Variants in CADM2 observed in about 807,000 individuals in gnomAD.
CADM2 encodes immunoglobulin superfamily member 4D.
CADM2 carries 12 observed loss-of-function variants against 49.8 expected under a neutral mutation model. The ratio of observed to expected loss-of-function variants is 0.24; its 90% CI spans 0.15 to 0.39. The LOEUF is 0.39. Ranked by LOEUF, CADM2 falls within the 10% of genes least tolerant of loss-of-function variation. The probability of loss-of-function intolerance (pLI) is 1.00; values close to 1 mark genes in which losing one functional copy is unlikely to be tolerated. For synonymous variants in CADM2, 214 were observed against 175.4 expected, an observed-to-expected ratio of 1.22 and a Z score of -1.74; for missense variants, 378 against 492.3, an observed-to-expected ratio of 0.77 and a Z score of 2.20.
chr3:85,758,567 T>C (rs972234385), intron 2 of CADM2, among the ~76,000 whole-genome samples: 7 of 152,328 alleles, frequency 4.6e-5, no homozygotes, highest in African/African-American at 1.4e-4. Flanking sequence ...CACTGTATTC[T>C]ATTTCCAGTA....
At chr3:85,680,557 T>G (rs1419075416) in intron 1 of CADM2, among the ~76,000 whole-genome samples, 2 of 152,176 alleles carry the variant, frequency 1.3e-5, no homozygotes, top group Non-Finnish European at 2.9e-5. Context: ...AAGTGATTAT[T>G]GAATGACATG....
intron 1 of CADM2, among the ~76,000 whole-genome samples, chr3:85,085,529 C>T (rs1272633194): frequency 2.0e-5 from 3 of 151,778 alleles, no homozygotes; most frequent in Admixed American, 6.6e-5. Flanking sequence ...TCAGTCGATC[C>T]CTGTTAGTTT....
chr3:85,902,600 C>T (rs549477267), intron 5 of CADM2, among the ~76,000 whole-genome samples: 54 of 151,398 alleles, frequency 3.6e-4, no homozygotes, highest in Non-Finnish European at 6.9e-4. Context: ...TTACATTTAT[C>T]TTCTATGTTT....
chr3:84,966,384 A>T (rs1172864621), intron 1 of CADM2, among the ~76,000 whole-genome samples: 2 of 151,990 alleles, frequency 1.3e-5, no homozygotes, highest in Non-Finnish European at 2.9e-5. Context: ...GCTTTCAGGG[A>T]TGTATAATAG....
chr3:85,981,239 A>G (rs1029248322), intron 8 of CADM2, among the ~76,000 whole-genome samples: 2 of 151,628 alleles, frequency 1.3e-5, no homozygotes, highest in African/African-American at 4.8e-5. Flanking sequence ...ACACATTTAC[A>G]CACACGCCAT....
At chr3:85,959,616 C>T (rs900402746) in intron 7 of CADM2, among the ~76,000 whole-genome samples, 6 of 151,828 alleles carry the variant, frequency 4.0e-5, no homozygotes, top group Non-Finnish European at 8.8e-5. Flanking sequence ...AGTCATGCAC[C>T]ATATAACAAC....
chr3:85,279,300 A>G (rs1367951946), intron 1 of CADM2, among the ~76,000 whole-genome samples: 1 of 151,514 alleles, frequency 6.6e-6, no homozygotes, highest in Non-Finnish European at 1.5e-5. Context: ...GTACATTGTA[A>G]TAGTGGATCA....
intron 6 of CADM2, among the ~76,000 whole-genome samples, chr3:85,922,661 G>A (rs1408149989): frequency 6.6e-6 from 1 of 151,918 alleles, no homozygotes; most frequent in African/African-American, 2.4e-5. Context: ...TTGCTTTTTG[G>A]TTCTTCTTTC....
rs775275701 is a variant in CADM2 at position 85,961,592 on chromosome 3, T to G, written c.915T>G (p.Cys305Trp). Residue 305 changes from cysteine to tryptophan, a missense_variant, in exon 8 of 10, where the codon TGT becomes TGG. Coordinates refer to ENST00000383699, the MANE Select transcript of CADM2 (RefSeq NM_001167675.2). ...AAACGGATAATGGTACATATCGATG[T>G]GAAGCCACAAACACCATTGGCCAAA... is the stretch of plus-strand genomic sequence containing the variant. ...LNKTDNGTYRCEATNTIGQSS... is the reference protein window; with the variant it reads ...LNKTDNGTYRWEATNTIGQSS... 1 of 1,607,202 alleles carries G rather than the reference T, an allele frequency of 6.2e-7. No individual in the cohort carries two copies.
intron 1 of CADM2, among the ~76,000 whole-genome samples, chr3:85,715,672 C>T (rs1236191841): frequency 1.3e-5 from 2 of 152,104 alleles, no homozygotes; most frequent in East Asian, 3.9e-4. Context: ...CACCCGCTGA[C>T]AGACCCCAGT....
intron 1 of CADM2, among the ~76,000 whole-genome samples, chr3:85,361,511 G>A (rs993989914): frequency 6.6e-6 from 1 of 152,160 alleles, no homozygotes; most frequent in East Asian, 1.9e-4. Context: ...TGATGGGCCT[G>A]TCATTTTAAG....
chr3:85,379,814 G>T (rs1054702736), intron 1 of CADM2, among the ~76,000 whole-genome samples: 1 of 151,874 alleles, frequency 6.6e-6, no homozygotes, highest in Admixed American at 6.6e-5. Context: ...TGTATTACTC[G>T]CAACTGTTGC....
At chr3:86,006,527 C>T (rs770100946) in intron 8 of CADM2, among the ~76,000 whole-genome samples, 1 of 152,116 alleles carries the variant, frequency 6.6e-6, no homozygotes, top group Non-Finnish European at 1.5e-5. Context: ...GAAGATGAGA[C>T]TTTGAAACCT....
At chr3:85,314,725 G>C (rs1468933178) in intron 1 of CADM2, among the ~76,000 whole-genome samples, 1 of 152,102 alleles carries the variant, frequency 6.6e-6, no homozygotes, top group Admixed American at 6.6e-5. Flanking sequence ...GTCTCAAAGA[G>C]AGAAGTATAA....
chr3:85,608,684 A>C (rs2063599962), intron 1 of CADM2, among the ~76,000 whole-genome samples: 1 of 152,180 alleles, frequency 6.6e-6, no homozygotes, highest in Admixed American at 6.6e-5. Flanking sequence ...TATGCTGATC[A>C]AACTAATTAT....
chr3:85,457,087 T>C (rs932124004), intron 1 of CADM2, among the ~76,000 whole-genome samples: 9 of 152,032 alleles, frequency 5.9e-5, no homozygotes, highest in African/African-American at 1.9e-4. Context: ...CCAAACTGTT[T>C]ATCAGATTCT....
intron 8 of CADM2, among the ~76,000 whole-genome samples, chr3:86,061,989 G>GGT (rs1553731927): frequency 0.023 from 3,296 of 145,742 alleles, 59 homozygotes; most frequent in Non-Finnish European, 0.032. Context: ...TTGATGGTGG[G>GGT]GGGGGGGTTG....
intron 1 of CADM2, among the ~76,000 whole-genome samples, chr3:84,988,874 T>G (rs1363092277): frequency 2.0e-5 from 3 of 152,208 alleles, no homozygotes; most frequent in African/African-American, 7.2e-5. Flanking sequence ...CTCCTTTTAC[T>G]CTGCCTAAAC....
chr3:86,042,359 A>C lies in CADM2; in HGVS notation c.971-23246A>C, dbSNP rs537410833. On this transcript the variant is annotated intron_variant, in intron 8 of 9. Transcript: ENST00000383699. Reference sequence around the variant, plus strand: ...AGACTAATAAAGAAGAAAAGAGAGAAGAATCAAATAGATGCAATAAAAAAT... The same window carrying C: ...AGACTAATAAAGAAGAAAAGAGAGACGAATCAAATAGATGCAATAAAAAAT... 1.9e-4 allele frequency among the ~76,000 whole-genome samples: 29 copies of C among 152,300 alleles called. No homozygotes were observed. The South Asian group carries it at 2.1e-3, about 11-fold the overall frequency.
Sources: gnomAD v4.1 joint callset for allele counts (sites outside exome capture counted in the v4.1 genomes callset) on GRCh38, gnomAD v4.1.1 for gene constraint, MANE v1.5 for transcripts, NCBI Gene and HGNC (gene_info 2026-07-23, HGNC 2026-07-21) for gene names.